Variants in CHD7 observed in about 807,000 individuals in gnomAD.
The protein encoded by CHD7 is chromodomain helicase DNA binding protein 7.
Under a neutral mutation model 307.3 loss-of-function variants are expected in CHD7, and 24 were observed. The ratio of observed to expected loss-of-function variants is 0.08; its 90% CI spans 0.06 to 0.11. The LOEUF (loss-of-function observed/expected upper bound fraction) is 0.11. CHD7 is among the 10% of genes least tolerant of loss of function. The pLI, the probability that CHD7 is intolerant of heterozygous loss-of-function variation, is 1.00. For missense variants in CHD7, 3,106 were observed against 3,727.1 expected (o/e 0.83, Z 4.34); for synonymous variants, 1,363 against 1,349.9 (o/e 1.01, Z -0.21).
At chr8:60,695,084 A>C (rs1217251691) in intron 1 of CHD7, among the ~76,000 whole-genome samples, 1 of 152,176 alleles carries the variant, frequency 6.6e-6, no homozygotes, top group African/African-American at 2.4e-5. Context: ...AAGAGGGACT[A>C]GGAGCCTGGC....
At chr8:60,680,794 C>T (rs1275869308) in intron 1 of CHD7, among the ~76,000 whole-genome samples, 1 of 152,242 alleles carries the variant, frequency 6.6e-6, no homozygotes, top group Non-Finnish European at 1.5e-5. Flanking sequence ...ATTAGATACA[C>T]TATCCAGCGC....
chr8:60,681,009 A>T (rs989943893), intron 1 of CHD7, among the ~76,000 whole-genome samples: 2 of 151,630 alleles, frequency 1.3e-5, no homozygotes, highest in East Asian at 3.9e-4. Flanking sequence ...AGTGGGCGAT[A>T]CCTTTCTAAG....
chr8:60,717,563 G>C (rs1807673294), intron 1 of CHD7, among the ~76,000 whole-genome samples: 1 of 152,154 alleles, frequency 6.6e-6, no homozygotes, highest in Non-Finnish European at 1.5e-5. Context: ...ATGGGTGTAG[G>C]GGAAGGGCAG....
At chr8:60,816,927 CAG>C (rs763594317) in intron 8 of CHD7, among the ~76,000 whole-genome samples, 7 of 152,160 alleles carry the variant, frequency 4.6e-5, no homozygotes, top group Non-Finnish European at 1.0e-4. Context: ...TGCCTAATTA[CAG>C]AGAGTTCACT....
chr8:60,782,690 TC>T (rs1811311851), intron 3 of CHD7, among the ~76,000 whole-genome samples: 1 of 152,176 alleles, frequency 6.6e-6, no homozygotes, highest in African/African-American at 2.4e-5. Flanking sequence ...ATCACTTTTC[TC>T]CCCCTCTTTG....
At position 60,824,119 on chromosome 8, in the gene CHD7, G is replaced by A; in HGVS notation, c.3378+103G>A. Reference sequence around the variant, plus strand: ...GATGCCTGTAAACAGTATTTGAAAAGCTTGTCAAATATTGTGATATATTCT... The same window carrying A: ...GATGCCTGTAAACAGTATTTGAAAAACTTGTCAAATATTGTGATATATTCT... On this transcript the variant is annotated intron_variant, in intron 13 of 37. Transcript: ENST00000423902. The A allele has an allele frequency of 5.9e-6, 6 of 1,025,402 alleles. No individual in the cohort carries two copies. In the South Asian group the frequency reaches 8.0e-5, roughly 14 times the overall value. 63.5% of individuals were successfully genotyped at this position (1,025,402 alleles called of 1,614,324 possible).
At chr8:60,801,659 G>A (rs1812322167) in intron 6 of CHD7, 66 bp downstream of exon 6, 2 of 1,024,282 alleles carry the variant, frequency 2.0e-6, no homozygotes, top group African/African-American at 1.6e-5. Context: ...TGTTGGCTTT[G>A]TAATTTTCTT....
chr8:60,811,880 A>C (rs906565053), intron 7 of CHD7, among the ~76,000 whole-genome samples: 1 of 152,170 alleles, frequency 6.6e-6, no homozygotes, highest in Non-Finnish European at 1.5e-5. Context: ...AAGAAATTGT[A>C]TTTCAGTTGA....
chr8:60,765,212 C>CAA (rs773416248), intron 2 of CHD7, among the ~76,000 whole-genome samples: 2 of 9,754 alleles, frequency 2.1e-4, no homozygotes, highest in African/African-American at 2.7e-4. Context: ...CATACACACA[C>CAA]ACACACACAC....
chr8:60,731,416 T>A (rs1406966507), intron 1 of CHD7, among the ~76,000 whole-genome samples: 2 of 152,146 alleles, frequency 1.3e-5, no homozygotes, highest in Non-Finnish European at 2.9e-5. Context: ...GAAAATACAT[T>A]AAATTTGTGG....
intron 2 of CHD7, among the ~76,000 whole-genome samples, chr8:60,750,008 G>A (rs1384926322): frequency 6.6e-6 from 1 of 152,198 alleles, no homozygotes; most frequent in Non-Finnish European, 1.5e-5. Context: ...CAGGTGTCAA[G>A]TTAAAGCACA....
In CHD7 at chr8:60,837,803, T is replaced by C; in HGVS notation, c.4321T>C (p.Ser1441Pro). Reference sequence around the variant, plus strand: ...GGGCCTGGATAAAGCTGTGCTACAGTCTATGAGTGGAAGAGAAAATGCTAC... The same window carrying C: ...GGGCCTGGATAAAGCTGTGCTACAGCCTATGAGTGGAAGAGAAAATGCTAC... ...KLGLDKAVLQ[S>P]MSGRENATNG... The change falls in exon 18 of 38, where the codon TCT becomes CCT. Residue 1441 changes from serine (S) to proline (P), a missense_variant. By Grantham distance (74) the Ser-to-Pro change is moderately conservative. This residue lies in a region of CHD7 where 93 missense variants were observed against 176.4 expected (regional missense o/e 0.53). Coordinates refer to ENST00000423902, the MANE Select transcript of CHD7 (RefSeq NM_017780.4). The C allele has an allele frequency of 6.2e-7, 1 of 1,613,730 alleles. No homozygotes were observed. Among genetic ancestry groups the C allele is most frequent in the Non-Finnish European group, 8.5e-7 (1 of 1,179,724 alleles).
At chr8:60,740,190 G>A (rs924112751) in intron 1 of CHD7, among the ~76,000 whole-genome samples, 5 of 152,246 alleles carry the variant, frequency 3.3e-5, no homozygotes, top group Non-Finnish European at 7.3e-5. Flanking sequence ...CTGGAAGCAC[G>A]TAGGGTGCGA....
chr8:60,816,049 T>C (rs1803721101), intron 7 of CHD7, among the ~76,000 whole-genome samples: 1 of 152,196 alleles, frequency 6.6e-6, no homozygotes, highest in Non-Finnish European at 1.5e-5. Context: ...CATTCACTTA[T>C]GGAAATAGCT....
intron 1 of CHD7, among the ~76,000 whole-genome samples, chr8:60,719,612 C>T (rs889146284): frequency 6.6e-6 from 1 of 152,048 alleles, no homozygotes; most frequent in African/African-American, 2.4e-5. Context: ...TAAATAAAGC[C>T]CTGGGGTAAT....
chr8:60,818,881 T>C (rs1392119107), intron 8 of CHD7, among the ~76,000 whole-genome samples: 1 of 152,212 alleles, frequency 6.6e-6, no homozygotes, highest in Non-Finnish European at 1.5e-5. Flanking sequence ...GAGGTGCACA[T>C]AATAAAATGT....
intron 1 of CHD7, among the ~76,000 whole-genome samples, chr8:60,717,298 G>A (rs927450626): frequency 6.6e-6 from 1 of 152,176 alleles, no homozygotes; most frequent in Non-Finnish European, 1.5e-5. Flanking sequence ...TATACTTGTT[G>A]GCTGCAGAGT....
intron 13 of CHD7, among the ~76,000 whole-genome samples, chr8:60,826,119 T>C (rs1804244975): frequency 6.6e-6 from 1 of 152,178 alleles, no homozygotes; most frequent in South Asian, 2.1e-4. Context: ...CTTTTTCACA[T>C]AATGGCACGT....
intron 26 of CHD7, 198 bp downstream of exon 26, chr8:60,850,820 T>C (rs574579419): frequency 2.7e-6 from 2 of 735,606 alleles, no homozygotes; most frequent in Non-Finnish European, 4.4e-6. Flanking sequence ...AAACTTGTTT[T>C]TCTTTTCCAA....
Sources: gnomAD v4.1 joint callset for allele counts (sites outside exome capture counted in the v4.1 genomes callset) on GRCh38, gnomAD v4.1.1 for gene constraint, gnomAD v4.1.1 regional missense constraint, MANE v1.5 for transcripts, NCBI Gene and HGNC (gene_info 2026-07-23, HGNC 2026-07-21) for gene names.